The following CSGALNACT1 variants were observed in gnomAD, a reference collection of about 807,000 sequenced individuals.
The protein encoded by CSGALNACT1 is chondroitin sulfate N-acetylgalactosaminyltransferase 1.
A neutral mutation model predicts 51.0 loss-of-function variants in CSGALNACT1; 52 were observed. The ratio of observed to expected loss-of-function variants is 1.02; its 90% CI spans 0.82 to 1.29. The LOEUF (loss-of-function observed/expected upper bound fraction) is 1.29. Among genes scored for constraint, CSGALNACT1 ranks in the 50% most tolerant of loss-of-function variants. The pLI is 0.00. For missense variants in CSGALNACT1, 935 were observed against 679.2 expected (o/e 1.38, Z -4.19); for synonymous variants, 341 against 254.4 (o/e 1.34, Z -3.24).
At chr8:19,595,861 ATTTTTTT>A (rs200011185) in intron 2 of CSGALNACT1, among the ~76,000 whole-genome samples, 1 of 112,098 alleles carries the variant, frequency 8.9e-6, no homozygotes, top group Non-Finnish European at 1.8e-5. Context: ...CAGTTAATGT[ATTTTTTT>A]TTTTTTTTTT....
chr8:19,429,744 G>C (rs940595798), intron 6 of CSGALNACT1, among the ~76,000 whole-genome samples: 1 of 152,234 alleles, frequency 6.6e-6, no homozygotes, highest in East Asian at 1.9e-4. Flanking sequence ...TATATACCTG[G>C]GATCAGAACT....
In CSGALNACT1 at chr8:19,498,706, C is replaced by G. The variant is rs28607676; in HGVS notation, c.634+6495G>C. Among the ~76,000 whole-genome samples the G allele has an allele frequency of 7.1e-3, 1,080 of 152,316 alleles. 13 individuals are homozygous for G. Among genetic ancestry groups the G allele is most frequent in the African/African-American group, 0.025 (1,022 of 41,568 alleles). The stretch of plus-strand genomic sequence containing the variant: ...TTCCCCTGAGCCTTTCCTGCCCACT[C>G]CAGATAAACTCAAGTTCCTTCATCT... On this transcript the variant is annotated intron_variant, in intron 4 of 9. Transcript: ENST00000454498.
intron 1 of CSGALNACT1, among the ~76,000 whole-genome samples, chr8:19,626,609 C>A (rs760065002): frequency 6.6e-6 from 1 of 152,110 alleles, no homozygotes; most frequent in African/African-American, 2.4e-5. Context: ...TTGTTTTCCA[C>A]AAAGTATCTT....
chr8:19,709,874 G>A (rs2062396409), intron 1 of CSGALNACT1, among the ~76,000 whole-genome samples: 1 of 152,142 alleles, frequency 6.6e-6, no homozygotes, highest in Non-Finnish European at 1.5e-5. Context: ...GGCACTCTGG[G>A]ACTGAGTGCC....
intron 8 of CSGALNACT1, among the ~76,000 whole-genome samples, chr8:19,416,865 C>CT (rs11374521): frequency 0.46 from 68,380 of 149,114 alleles, 16,543 homozygotes; most frequent in East Asian, 0.75. Flanking sequence ...TGAAAACTCA[C>CT]TTTTTTTTTT....
intron 8 of CSGALNACT1, among the ~76,000 whole-genome samples, chr8:19,411,891 T>G (rs10107569): frequency 6.6e-6 from 1 of 150,572 alleles, no homozygotes. Flanking sequence ...AGTGCAGTGG[T>G]GTGACCTCGG....
intron 4 of CSGALNACT1, among the ~76,000 whole-genome samples, chr8:19,496,091 T>C (rs928546438): frequency 1.3e-5 from 2 of 152,306 alleles, no homozygotes; most frequent in Admixed American, 6.5e-5. Flanking sequence ...TGGAGCAGTA[T>C]GCTTGTTAAC....
chr8:19,533,162 G>C (rs145367045), intron 3 of CSGALNACT1, among the ~76,000 whole-genome samples: 86 of 152,254 alleles, frequency 5.6e-4, no homozygotes, highest in African/African-American at 2.0e-3. Flanking sequence ...TGTCACCCAG[G>C]CTGGAGTGTG....
intron 1 of CSGALNACT1, among the ~76,000 whole-genome samples, chr8:19,653,019 G>A (rs573999439): frequency 6.6e-6 from 1 of 152,194 alleles, no homozygotes; most frequent in South Asian, 2.1e-4. Context: ...AAGTTTGGGA[G>A]GCATAAGCAT....
At chr8:19,449,531 G>A (rs1056861349) in intron 5 of CSGALNACT1, among the ~76,000 whole-genome samples, 4 of 144,822 alleles carry the variant, frequency 2.8e-5, no homozygotes, top group Admixed American at 6.7e-5. Context: ...TTCAATTTCC[G>A]AGACTCTACA....
intron 2 of CSGALNACT1, among the ~76,000 whole-genome samples, chr8:19,596,281 A>G (rs1476752540): frequency 1.3e-5 from 2 of 152,158 alleles, no homozygotes; most frequent in Admixed American, 6.5e-5. Flanking sequence ...TTCAGACACC[A>G]GTGTGATATT....
At chr8:19,505,233 T>C in exon 4 of CSGALNACT1, 3 of 1,614,024 alleles carry the variant, frequency 1.9e-6, no homozygotes, top group Non-Finnish European at 2.5e-6. Context: ...GTAAGGACGG[T>C]GATTGGGGCT....
At chr8:19,453,080 T>G (rs150984830) in intron 5 of CSGALNACT1, among the ~76,000 whole-genome samples, 24 of 152,032 alleles carry the variant, frequency 1.6e-4, no homozygotes, top group African/African-American at 5.8e-4. Context: ...AAAGAAATCA[T>G]AGCAACCACA....
chr8:19,640,433 G>A (rs934842292), intron 1 of CSGALNACT1, among the ~76,000 whole-genome samples: 1 of 152,060 alleles, frequency 6.6e-6, no homozygotes, highest in East Asian at 1.9e-4. Flanking sequence ...GAGTATTCTT[G>A]ACTGAACATC....
intron 3 of CSGALNACT1, among the ~76,000 whole-genome samples, chr8:19,516,756 C>A (rs2154024722): frequency 6.6e-6 from 1 of 152,336 alleles, no homozygotes; most frequent in Middle Eastern, 3.4e-3. Context: ...GGGAATGTCA[C>A]CCATTACTCC....
rs561379244 is a variant in CSGALNACT1, at chr8:19,477,977, T to A, written c.635-19335A>T. Among the ~76,000 whole-genome samples the A allele has an allele frequency of 2.1e-3, 319 of 152,264 alleles. 4 individuals are homozygous for A. Among genetic ancestry groups the A allele is most frequent in the African/African-American group, 7.4e-3 (308 of 41,550 alleles). ...GATGTTTGATGAAGAGTAACACAGTTTCCAGGGACCCCACCTCCTGAAGAG... is the reference window on the plus strand; with the variant it reads ...GATGTTTGATGAAGAGTAACACAGTATCCAGGGACCCCACCTCCTGAAGAG... On this transcript the variant is annotated intron_variant, in intron 4 of 9. Transcript: ENST00000454498.
intron 3 of CSGALNACT1, among the ~76,000 whole-genome samples, chr8:19,577,254 G>A (rs533405689): frequency 7.2e-5 from 11 of 152,132 alleles, no homozygotes; most frequent in South Asian, 2.1e-4. Context: ...GGGATGAGTC[G>A]TGTGGCATAA....
At chr8:19,409,811 T>G in intron 8 of CSGALNACT1, among the ~76,000 whole-genome samples, 2 of 152,200 alleles carry the variant, frequency 1.3e-5, no homozygotes. Context: ...TGGCCCAATG[T>G]GACCACTGGC....
Position 19,713,728 on chromosome 8 carries a change from G to C in CSGALNACT1, c.-297+44122C>G, listed in dbSNP as rs547931225. 3.2e-4 allele frequency among the ~76,000 whole-genome samples: 49 copies of C among 152,312 alleles called. 1 individual carries two copies. The highest frequency in any genetic ancestry group is 1.2e-3 in the African/African-American group (49 of 41,578). On this transcript the variant is annotated intron_variant, in intron 1 of 1. Coordinates refer to the CSGALNACT1 transcript ENST00000517494. ...AAGGAAGGACCCCCTATGGGTTTCA[G>C]AGGGGATCTCGCCCTGAGGACACCT...
Sources: allele counts gnomAD v4.1 joint callset (sites outside exome capture counted in the v4.1 genomes callset), GRCh38; gene constraint gnomAD v4.1.1; transcripts MANE v1.5; gene names NCBI Gene and HGNC (gene_info 2026-07-23, HGNC 2026-07-21).